The following SLC25A20 variants were observed in gnomAD, a reference collection of about 807,000 sequenced individuals.
SLC25A20 encodes solute carrier family 25 member 20.
A neutral mutation model predicts 39.7 loss-of-function variants in SLC25A20; 29 were observed. That is an observed-to-expected ratio of 0.73 (90% confidence interval 0.54 to 1.00). The LOEUF (loss-of-function observed/expected upper bound fraction) is 1.00, where lower values mean the gene tolerates loss of function less well. SLC25A20 is among the 50% of genes least tolerant of loss of function. SLC25A20 has a pLI of 0.00. For missense variants in SLC25A20, 333 were observed against 379.9 expected (o/e 0.88, Z 1.03); for synonymous variants, 103 against 142.2 (o/e 0.72, Z 1.96).
intron 4 of SLC25A20, among the ~76,000 whole-genome samples, chr3:48,877,061 A>G (rs2083763705): frequency 6.6e-6 from 1 of 151,830 alleles, no homozygotes; most frequent in Non-Finnish European, 1.5e-5. Flanking sequence ...ATACCACTGC[A>G]CTCCAGTCTA....
chr3:48,864,313 A>C (rs1191758866), intron 4 of SLC25A20, among the ~76,000 whole-genome samples: 7 of 123,652 alleles, frequency 5.7e-5, no homozygotes, highest in Non-Finnish European at 6.4e-5. Context: ...GCACCACTGC[A>C]CTCCAGCCTG....
At chr3:48,886,884 C>G (rs2083833544) in intron 2 of SLC25A20, among the ~76,000 whole-genome samples, 1 of 152,150 alleles carries the variant, frequency 6.6e-6, no homozygotes, top group African/African-American at 2.4e-5. Flanking sequence ...GCAGGAGAAT[C>G]AGGGTGAGGC....
chr3:48,877,302 G>A (rs747946260), intron 4 of SLC25A20, among the ~76,000 whole-genome samples: 45 of 151,866 alleles, frequency 3.0e-4, no homozygotes, highest in East Asian at 3.9e-4. Context: ...TAATCCCAGC[G>A]ATTCAGGAGG....
At chr3:48,896,189 TTTTTC>T (rs1449551322) in intron 1 of SLC25A20, among the ~76,000 whole-genome samples, 1 of 151,916 alleles carries the variant, frequency 6.6e-6, no homozygotes, top group East Asian at 1.9e-4. Flanking sequence ...TGTGATTTTT[TTTTTC>T]TTTTGAGACA....
chr3:48,893,691 C>T (rs1194976975), intron 1 of SLC25A20, among the ~76,000 whole-genome samples: 4 of 151,468 alleles, frequency 2.6e-5, no homozygotes, highest in South Asian at 2.1e-4. Flanking sequence ...ATGCCATGCT[C>T]GGCTAATTTT....
chr3:48,894,845 G>C (rs1313512410), intron 1 of SLC25A20, among the ~76,000 whole-genome samples: 1 of 152,140 alleles, frequency 6.6e-6, no homozygotes. Flanking sequence ...TTGAGACAGA[G>C]TTTCACTCAT....
At chr3:48,868,202 G>C (rs1351627251) in intron 4 of SLC25A20, among the ~76,000 whole-genome samples, 1 of 151,958 alleles carries the variant, frequency 6.6e-6, no homozygotes, top group East Asian at 1.9e-4. Context: ...CCACTGAGAA[G>C]GTGGGGGGTT....
intron 5 of SLC25A20, among the ~76,000 whole-genome samples, chr3:48,861,777 G>A (rs1259190450): frequency 2.0e-5 from 3 of 147,064 alleles, no homozygotes; most frequent in Non-Finnish European, 4.5e-5. Context: ...CAGTAATCCC[G>A]GCACCTTGGG....
intron 2 of SLC25A20, among the ~76,000 whole-genome samples, chr3:48,884,832 C>A (rs1298623412): frequency 1.3e-5 from 2 of 150,192 alleles, no homozygotes; most frequent in African/African-American, 4.9e-5. Flanking sequence ...AAATTATAAA[C>A]TCCATAAATG....
intron 4 of SLC25A20, among the ~76,000 whole-genome samples, chr3:48,865,606 A>G (rs1054220517): frequency 1.3e-5 from 2 of 150,274 alleles, no homozygotes; most frequent in African/African-American, 4.9e-5. Context: ...AAAAAAAAAA[A>G]AAAAAAAAAA....
chr3:48,859,545 T>G lies in SLC25A20; in HGVS notation c.608+10A>C. 1 of 1,612,286 alleles carries G rather than the reference T, an allele frequency of 6.2e-7. No individual in the cohort carries two copies. The highest frequency in any genetic ancestry group is 8.5e-7 in the Non-Finnish European group (1 of 1,178,326). ...TGGGGAAAGTGGCTTCCAAGTTATG[T>G]TTTCCTCACCTCTTTCCCTCCGGAG... On this transcript the variant is annotated intron_variant, in intron 6 of 8. Coordinates refer to ENST00000319017, the MANE Select transcript of SLC25A20 (RefSeq NM_000387.6).
At chr3:48,878,435 G>C (rs1172269266) in intron 4 of SLC25A20, among the ~76,000 whole-genome samples, 3 of 151,462 alleles carry the variant, frequency 2.0e-5, no homozygotes, top group Admixed American at 6.6e-5. Context: ...CCAGGCTCAA[G>C]TGATCCTCCC....
At chr3:48,895,824 T>C (rs765205682) in intron 1 of SLC25A20, 6 of 456,028 alleles carry the variant, frequency 1.3e-5, no homozygotes, top group South Asian at 3.1e-5. Flanking sequence ...CCCTAGTTAG[T>C]AGAGAGAGAG....
In SLC25A20 at chr3:48,862,653, C is replaced by A; in HGVS notation, c.424G>T (p.Ala142Ser). 1.2e-6 allele frequency: 2 copies of A among 1,609,152 alleles called. No homozygotes were observed. Among genetic ancestry groups the A allele is most frequent in the Non-Finnish European group, 1.7e-6 (2 of 1,175,536 alleles). The change falls in exon 5 of 9, where the codon GCT becomes TCT. Residue 142 changes from alanine to serine, a missense_variant. By Grantham distance (99) the Ala-to-Ser change is moderately conservative. Coordinates refer to ENST00000319017, the MANE Select transcript of SLC25A20 (RefSeq NM_000387.6). ...GTGTACTTGCTTTCTCCTGAAGAAG[C>A]CTGAATCTGGGAGGGAGGAGAGGAT... ...ERIKCLLQIQ[A>S]SSGESKYTGT...
At chr3:48,875,089 G>T (rs532244306) in intron 4 of SLC25A20, among the ~76,000 whole-genome samples, 71 of 146,686 alleles carry the variant, frequency 4.8e-4, no homozygotes, top group African/African-American at 1.6e-3. Flanking sequence ...AAATTATACT[G>T]AGTTTATTTA....
chr3:48,872,191 C>T (rs2083721840), intron 4 of SLC25A20, among the ~76,000 whole-genome samples: 1 of 151,332 alleles, frequency 6.6e-6, no homozygotes, highest in Non-Finnish European at 1.5e-5. Flanking sequence ...AGTGCAGTGG[C>T]ACAATCTTGG....
At chr3:48,895,673 A>G in intron 1 of SLC25A20, 1 of 389,542 alleles carries the variant, frequency 2.6e-6, no homozygotes, top group Non-Finnish European at 5.2e-6. Flanking sequence ...AAACCAAGGA[A>G]GTCCCTCTCT....
chr3:48,894,183 TTCTCTCTCTCTCTCTCTC>T (rs375593797), intron 1 of SLC25A20, among the ~76,000 whole-genome samples: 14 of 110,276 alleles, frequency 1.3e-4, no homozygotes, highest in African/African-American at 4.9e-4. Context: ...AAGAAGAAGA[TTCTCTCTCTCTCTCTCTC>T]TCTCTCTCTC....
At chr3:48,871,768 CAAA>C (rs763884203) in intron 4 of SLC25A20, among the ~76,000 whole-genome samples, 4 of 61,878 alleles carry the variant, frequency 6.5e-5, no homozygotes, top group African/African-American at 6.0e-5. Context: ...AACTCCATCT[CAAA>C]AAAAAAAAAA....
Sources: allele counts gnomAD v4.1 joint callset (sites outside exome capture counted in the v4.1 genomes callset), GRCh38; gene constraint gnomAD v4.1.1; transcripts MANE v1.5; gene names NCBI Gene and HGNC (gene_info 2026-07-23, HGNC 2026-07-21).